Variants in ANO5 observed in about 807,000 individuals in gnomAD.
ANO5 encodes anoctamin-5.
ANO5 carries 109 observed loss-of-function variants against 121.0 expected under a neutral mutation model. The ratio of observed to expected loss-of-function variants is 0.90; its 90% CI spans 0.77 to 1.06. The LOEUF is 1.06. Among genes scored for constraint, ANO5 ranks in the 50% least tolerant of loss-of-function variants. ANO5 has a pLI of 0.00. For missense variants in ANO5, 1,064 were observed against 1,078.5 expected, an observed-to-expected ratio of 0.99 and a Z score of 0.19; for synonymous variants, 406 against 359.9, an observed-to-expected ratio of 1.13 and a Z score of -1.45.
intron 9 of ANO5, among the ~76,000 whole-genome samples, chr11:22,244,370 G>T (rs989822448): frequency 6.6e-6 from 1 of 151,960 alleles, no homozygotes; most frequent in Admixed American, 6.6e-5. Flanking sequence ...TGAATCTGAT[G>T]ACTATGTGCC....
At chr11:22,250,695 C>T in intron 10 of ANO5, 46 bp from the exon 11 acceptor site, 1 of 1,568,376 alleles carries the variant, frequency 6.4e-7, no homozygotes, top group Non-Finnish European at 8.8e-7. Flanking sequence ...TGGACTTTTA[C>T]CTAAACACCT....
chr11:22,214,240 T>G (rs891323539), intron 3 of ANO5, among the ~76,000 whole-genome samples: 2 of 151,968 alleles, frequency 1.3e-5, no homozygotes, highest in Non-Finnish European at 2.9e-5. Flanking sequence ...GTTTCCTTGG[T>G]ATACCCCTAT....
At chr11:22,250,616 T>C (rs891907878) in intron 10 of ANO5, 125 bp from the exon 11 acceptor site, 7 of 1,086,208 alleles carry the variant, frequency 6.4e-6, no homozygotes, top group Admixed American at 5.8e-5. Context: ...ACTATAGAAA[T>C]TGCTGCTTGA....
Position 22,219,991 on chromosome 11 carries a change from G to A in ANO5, c.181-1106G>A, listed in dbSNP as rs987608803. On this transcript the variant is annotated intron_variant, in intron 4 of 21. Coordinates refer to ENST00000324559, the MANE Select transcript of ANO5 (RefSeq NM_213599.3). ...TCTGAGACACATCAGCTTTGCATCA[G>A]CTATGTAAATGCACTTACTTTGTTC... Among the ~76,000 whole-genome samples, 6 of 150,112 alleles carry A rather than the reference G, an allele frequency of 4.0e-5. No individual in the cohort carries two copies. In the East Asian group the frequency reaches 1.2e-3, roughly 30 times the overall value.
chr11:22,227,353 G>T lies in ANO5; in HGVS notation c.415G>T (p.Val139Leu), dbSNP rs753871250. Residue 139 changes from valine (V) to leucine (L), a missense_variant, in exon 7 of 22, where the codon GTA (valine) becomes TTA (leucine). By Grantham distance (32) the Val-to-Leu change is conservative. Transcript: ENST00000324559. ...YFVKIHAPWE[V>L]LVTYAEVLGI... ...TGTCAAGATCCATGCCCCTTGGGAG[G>T]TATTAGTTACCTATGCTGAAGTCTT... is the stretch of plus-strand genomic sequence containing the variant. 1.2e-5 allele frequency: 19 copies of T among 1,613,248 alleles called. No individual in the cohort carries two copies. In the South Asian group the frequency reaches 1.9e-4, roughly 16 times the overall value.
At chr11:22,235,029 A>T (rs553768769) in intron 7 of ANO5, among the ~76,000 whole-genome samples, 9 of 152,228 alleles carry the variant, frequency 5.9e-5, no homozygotes, top group African/African-American at 2.2e-4. Context: ...TATGAATGAA[A>T]TCACTTTTCT....
In ANO5 at chr11:22,262,094, G is replaced by A. The variant is rs72982041; in HGVS notation, c.1631-35G>A. 5,701 of 1,606,742 alleles carry A rather than the reference G, an allele frequency of 3.5e-3. 15 individuals carry two copies. The highest frequency in any genetic ancestry group is 4.0e-3 in the Non-Finnish European group (4,756 of 1,175,212). ...GTACGAAGTTCAAGGAAAAAAATAA[G>A]AAGATGCACTAAACATTTTTTTTTA... On this transcript the variant is annotated intron_variant, in intron 15 of 21. Transcript: ENST00000324559.
rs1404533089 is a variant in ANO5, at chr11:22,282,967, C to T, written c.*3202C>T. 2.6e-5 allele frequency: 4 copies of T among 152,292 alleles called. No homozygotes were observed. Among genetic ancestry groups the T allele is most frequent in the Admixed American group, 6.5e-5 (1 of 15,298 alleles). The allele number at this position is 152,292 out of a possible 1,614,324, so 9.4% of individuals were successfully genotyped here. A position where few individuals can be genotyped will look rare whatever the true frequency, so the allele number is the denominator to read the frequency against. The stretch of plus-strand genomic sequence containing the variant: ...GCCTTACAAGTCAGCCACAATGAGT[C>T]GGTATAACTACTGTGTTATTCTTTT... On this transcript the variant is annotated 3_prime_UTR_variant, in exon 22 of 22. Coordinates refer to ENST00000324559, the MANE Select transcript of ANO5 (RefSeq NM_213599.3).
At chr11:22,263,111 G>T in intron 17 of ANO5, 68 bp downstream of exon 17, 1 of 1,355,486 alleles carries the variant, frequency 7.4e-7, no homozygotes, top group Non-Finnish European at 1.0e-6. Context: ...AGAAGAAGAT[G>T]GAATTTTTTG....
intron 17 of ANO5, among the ~76,000 whole-genome samples, chr11:22,267,154 A>G (rs2133764497): frequency 6.6e-6 from 1 of 152,264 alleles, no homozygotes; most frequent in East Asian, 1.9e-4. Flanking sequence ...CTGGATATGC[A>G]GATGTACTGA....
chr11:22,221,181 G>T lies in ANO5; in HGVS notation c.265G>T (p.Asp89Tyr), dbSNP rs766228901. The change falls in exon 5 of 22, where the codon GAT (aspartate) becomes TAT (tyrosine). Residue 89 changes from aspartate (D) to tyrosine (Y), a missense_variant. Physicochemically the swap from Asp to Tyr is radical, Grantham distance 160 (BLOSUM62 -3). Coordinates refer to ENST00000324559, the MANE Select transcript of ANO5 (RefSeq NM_213599.3). ...TGATTTTGTGCTTTCCTACGTTGAT[G>T]ATGTAAAGAAAGACGCAGAGTTAAA... is the stretch of plus-strand genomic sequence containing the variant. ...QIDFVLSYVD[D>Y]VKKDAELKAE... 2 of 1,611,332 alleles carry T rather than the reference G, an allele frequency of 1.2e-6. No homozygotes were observed. The highest frequency in any genetic ancestry group is 1.7e-5 in the Admixed American group (1 of 59,802).
intron 3 of ANO5, among the ~76,000 whole-genome samples, chr11:22,211,879 G>T (rs1056182637): frequency 6.6e-6 from 1 of 151,918 alleles, no homozygotes; most frequent in Non-Finnish European, 1.5e-5. Context: ...TTTTAGCAAG[G>T]ATGATAGTTT....
At chr11:22,245,435 A>G (rs1326188105) in intron 9 of ANO5, among the ~76,000 whole-genome samples, 2 of 152,088 alleles carry the variant, frequency 1.3e-5, no homozygotes, top group South Asian at 2.1e-4. Flanking sequence ...CTGGAGTTCA[A>G]TCAATTTTTG....
chr11:22,248,779 C>T (rs1270473355), intron 9 of ANO5, among the ~76,000 whole-genome samples: 2 of 151,734 alleles, frequency 1.3e-5, no homozygotes, highest in Non-Finnish European at 2.9e-5. Context: ...GTTGAAATAT[C>T]CAGTTTCCTT....
intron 21 of ANO5, among the ~76,000 whole-genome samples, chr11:22,276,989 C>A (rs915959375): frequency 1.3e-5 from 2 of 151,410 alleles, no homozygotes; most frequent in African/African-American, 4.9e-5. Context: ...GGGAAAAAAA[C>A]AAAAGAGCAA....
At chr11:22,246,698 A>G (rs965226024) in intron 9 of ANO5, among the ~76,000 whole-genome samples, 2 of 151,696 alleles carry the variant, frequency 1.3e-5, no homozygotes, top group Admixed American at 1.3e-4. Context: ...TACTACTACT[A>G]CAAAAATTAC....
chr11:22,244,916 T>C (rs1411674762), intron 9 of ANO5, among the ~76,000 whole-genome samples: 1 of 152,116 alleles, frequency 6.6e-6, no homozygotes, highest in South Asian at 2.1e-4. Context: ...GCTGAGGAGC[T>C]CATTTGAAGG....
At chr11:22,273,969 T>C (rs1230822548) in intron 19 of ANO5, among the ~76,000 whole-genome samples, 1 of 152,062 alleles carries the variant, frequency 6.6e-6, no homozygotes, top group Non-Finnish European at 1.5e-5. Context: ...AAATTATAAG[T>C]GCCAGAGCCA....
At chr11:22,278,367 A>T (rs1199475641) in intron 21 of ANO5, among the ~76,000 whole-genome samples, 1 of 151,394 alleles carries the variant, frequency 6.6e-6, no homozygotes, top group Non-Finnish European at 1.5e-5. Flanking sequence ...TCTTTGATAA[A>T]TTTTTTCTTT....
Sources: gnomAD v4.1 joint callset for allele counts (sites outside exome capture counted in the v4.1 genomes callset) on GRCh38, gnomAD v4.1.1 for gene constraint, MANE v1.5 for transcripts, NCBI Gene and HGNC (gene_info 2026-07-23, HGNC 2026-07-21) for gene names.